The following CYP2J2 variants were observed in gnomAD, a reference collection of about 807,000 sequenced individuals.
The protein encoded by CYP2J2 is cytochrome P450 family 2 subfamily J member 2.
A neutral mutation model predicts 48.8 loss-of-function variants in CYP2J2; 41 were observed. That is an observed-to-expected ratio of 0.84 (90% CI 0.66 to 1.09). The LOEUF is 1.09. CYP2J2 is among the 50% of genes least tolerant of loss of function. The pLI, the probability that CYP2J2 is intolerant of heterozygous loss-of-function variation, is 0.00. For synonymous variants in CYP2J2, 221 were observed against 227.1 expected (o/e 0.97, Z 0.24); for missense variants, 644 against 617.3 (o/e 1.04, Z -0.46).
the CYP2J2 span, among the ~76,000 whole-genome samples, chr1:59,955,355 A>G: frequency 6.7e-6 from 1 of 148,818 alleles, no homozygotes; most frequent in Non-Finnish European, 1.5e-5. Flanking sequence ...TGCTTACGAG[A>G]GAATGCTGAG....
chr1:59,930,375 C>A (rs532336021), upstream of CYP2J2, among the ~76,000 whole-genome samples: 1 of 152,146 alleles, frequency 6.6e-6, no homozygotes, highest in South Asian at 2.1e-4. Context: ...AGAAGCTGTG[C>A]CCAAGATTTT....
the CYP2J2 span, among the ~76,000 whole-genome samples, chr1:59,935,023 T>TATATATACACAC: frequency 6.6e-5 from 5 of 75,318 alleles, no homozygotes; most frequent in Non-Finnish European, 1.1e-4. Context: ...TACATATATA[T>TATATATACACAC]ATATATATAT....
chr1:59,934,995 TATATATATATATATATATAC>T, the CYP2J2 span, among the ~76,000 whole-genome samples: 4,285 of 47,376 alleles, frequency 0.09, 216 homozygotes, highest in African/African-American at 0.12. Flanking sequence ...ATGGGATATA[TATATATATATATATATATAC>T]ATATATATAT....
the CYP2J2 span, among the ~76,000 whole-genome samples, chr1:59,951,059 C>A: frequency 6.6e-6 from 1 of 152,128 alleles, no homozygotes; most frequent in African/African-American, 2.4e-5. Context: ...AGAATGGCAA[C>A]GTACCTTTGT....
chr1:59,907,825 A>G lies in CYP2J2; in HGVS notation c.964T>C (p.Trp322Arg), dbSNP rs1308798094. ...GTETTSTTLR[W>R]ALLYMALYPE... Reference sequence around the variant, plus strand: ...TAGAGGGCCATATAAAGCAGAGCCCATCGCAGAGTTGTGGAAGTTGTCTCG... The same window carrying G: ...TAGAGGGCCATATAAAGCAGAGCCCGTCGCAGAGTTGTGGAAGTTGTCTCG... Residue 322 changes from tryptophan to arginine, a missense_variant, in exon 6 of 9, where the codon TGG (tryptophan) becomes CGG (arginine). Physicochemically the swap from Trp to Arg is moderately radical, Grantham distance 101. Transcript: ENST00000371204. 13 of 1,613,978 alleles carry G rather than the reference A, an allele frequency of 8.1e-6. No homozygotes were observed. The highest frequency in any genetic ancestry group is 1.1e-5 in the Non-Finnish European group (13 of 1,180,000).
intron 8 of CYP2J2, among the ~76,000 whole-genome samples, chr1:59,899,715 T>TAA (rs1644300394): frequency 6.6e-6 from 1 of 152,216 alleles, no homozygotes; most frequent in Non-Finnish European, 1.5e-5. Flanking sequence ...TATACTTGGT[T>TAA]AAGCCTCAGT....
chr1:59,916,644 G>A (rs932679949), intron 1 of CYP2J2, among the ~76,000 whole-genome samples: 4 of 152,122 alleles, frequency 2.6e-5, no homozygotes, highest in African/African-American at 9.7e-5. Flanking sequence ...GAGGTGGGAA[G>A]GTCACTTGAG....
chr1:59,947,007 G>T, the CYP2J2 span, among the ~76,000 whole-genome samples: 2 of 151,810 alleles, frequency 1.3e-5, no homozygotes. Flanking sequence ...GGAAAACGAA[G>T]ACATAGGGGT....
At chr1:59,897,366 A>C (rs1644278447) in intron 8 of CYP2J2, among the ~76,000 whole-genome samples, 1 of 152,278 alleles carries the variant, frequency 6.6e-6, no homozygotes, top group African/African-American at 2.4e-5. Flanking sequence ...GCAAAACTAA[A>C]CTTATCTCAT....
the CYP2J2 span, among the ~76,000 whole-genome samples, chr1:59,934,991 T>TATATATATATATATATATATATAC: frequency 2.7e-5 from 1 of 36,772 alleles, no homozygotes; most frequent in African/African-American, 1.4e-4. Flanking sequence ...GAAAATGGGA[T>TATATATATATATATATATATATAC]ATATATATAT....
Position 59,907,869 on chromosome 1 carries a change from T to C in CYP2J2, c.920A>G (p.Asp307Gly), listed in dbSNP as rs1644378530. 1.2e-6 allele frequency: 2 copies of C among 1,613,954 alleles called. No individual in the cohort carries two copies. Among genetic ancestry groups the C allele is most frequent in the East Asian group, 4.5e-5 (2 of 44,880 alleles). The part of the protein sequence containing the change: ...HEENLICSTL[D>G]LFFAGTETTS... ...TGTCTCGGTTCCGGCAAAGAAGAGG[T>C]CCAGGGTGCTGCAGATGAGGTTTTC... The change falls in exon 6 of 9, where the codon GAC (aspartate) becomes GGC (glycine). Residue 307 changes from aspartate to glycine, a missense_variant. By Grantham distance (94) the Asp-to-Gly change is moderately conservative. Transcript: ENST00000371204.
the CYP2J2 span, among the ~76,000 whole-genome samples, chr1:59,931,888 T>A: frequency 0.072 from 10,894 of 152,194 alleles, 398 homozygotes; most frequent in Middle Eastern, 0.11. Flanking sequence ...GAAATCAGGA[T>A]AATTTGAGAT....
chr1:59,966,202 G>A, the CYP2J2 span, among the ~76,000 whole-genome samples: 2 of 152,110 alleles, frequency 1.3e-5, no homozygotes, highest in Admixed American at 6.6e-5. Context: ...CTGTCTTATG[G>A]TAACATAAGC....
chr1:59,914,535 A>G (rs1323189409), intron 2 of CYP2J2, among the ~76,000 whole-genome samples: 1 of 152,222 alleles, frequency 6.6e-6, no homozygotes, highest in Non-Finnish European at 1.5e-5. Context: ...CATATGTTGT[A>G]TGGAATCAAT....
At chr1:59,926,804 A>G (rs1397762707), upstream of CYP2J2, 43 of 1,479,246 alleles carry the variant, frequency 2.9e-5, 1 homozygote, top group South Asian at 4.3e-4. Flanking sequence ...CCAGCAGGCG[A>G]CGGTCCCCGC....
At position 59,911,598 on chromosome 1, in the gene CYP2J2, G is replaced by A; in HGVS notation, c.684+10C>T. On this transcript the variant is annotated intron_variant, in intron 4 of 8. Transcript: ENST00000371204. ...TACTGAACAAAGATATGGAGAGACA[G>A]CTGCCTTACCTGGCATGTCTTTGAA... 6.3e-7 allele frequency: 1 copy of A among 1,591,892 alleles called. No homozygotes were observed. Among genetic ancestry groups the A allele is most frequent in the Non-Finnish European group, 8.6e-7 (1 of 1,167,378 alleles).
At chr1:59,937,624 C>T in the CYP2J2 span, among the ~76,000 whole-genome samples, 17 of 152,080 alleles carry the variant, frequency 1.1e-4, no homozygotes, top group Non-Finnish European at 1.8e-4. Context: ...TTGGGGAGCT[C>T]TTTGTTATTA....
chr1:59,969,209 G>T, the CYP2J2 span, among the ~76,000 whole-genome samples: 1 of 152,204 alleles, frequency 6.6e-6, no homozygotes, highest in Non-Finnish European at 1.5e-5. Context: ...GATCCGAGCG[G>T]GTTGCCACTG....
the CYP2J2 span, among the ~76,000 whole-genome samples, chr1:59,941,971 G>A: frequency 6.6e-6 from 1 of 152,064 alleles, no homozygotes; most frequent in Non-Finnish European, 1.5e-5. Flanking sequence ...TAGTGTCCTA[G>A]GTCTTCACAT....
Sources: allele counts gnomAD v4.1 joint callset (sites outside exome capture counted in the v4.1 genomes callset), GRCh38; gene constraint gnomAD v4.1.1; transcripts MANE v1.5; gene names NCBI Gene and HGNC (gene_info 2026-07-23, HGNC 2026-07-21).